Variants in SELENOF observed in about 807,000 individuals in gnomAD.
SELENOF encodes selenoprotein F.
SELENOF carries 16 observed loss-of-function variants against 20.5 expected under a neutral mutation model. The ratio of observed to expected loss-of-function variants is 0.78; its 90% CI spans 0.53 to 1.19. The LOEUF (loss-of-function observed/expected upper bound fraction) is 1.19. Among genes scored for constraint, SELENOF ranks in the 50% most tolerant of loss-of-function variants. The pLI, the probability that SELENOF is intolerant of heterozygous loss-of-function variation, is 0.00. For missense variants in SELENOF, 215 were observed against 194.2 expected (o/e 1.11, Z -0.64); for synonymous variants, 78 against 74.5 (o/e 1.05, Z -0.24).
chr1:86,862,758 C>A lies in SELENOF; in HGVS notation c.*716G>T, dbSNP rs556667248. 3.3e-5 allele frequency: 5 copies of A among 152,266 alleles called. No individual in the cohort carries two copies. The East Asian group carries it at 9.6e-4, about 29-fold the overall frequency. The allele number at this position is 152,266 out of a possible 1,614,324, so 9.4% of individuals were successfully genotyped here. On this transcript the variant is annotated 3_prime_UTR_variant, in exon 5 of 5. Transcript: ENST00000331835. ...ACTTTTTATTTATATTTTGGTCTTA[C>A]AAATGATCACTTTTAAATGGACTTT... is the stretch of plus-strand genomic sequence containing the variant.
chr1:86,883,435 T>TTAGTGTATATTTTACACTAAA (rs1659129204), intron 2 of SELENOF, among the ~76,000 whole-genome samples: 1 of 152,154 alleles, frequency 6.6e-6, no homozygotes, highest in African/African-American at 2.4e-5. Context: ...ATAGTGAATT[T>TTAGTGTATATTTTACACTAAA]TAGTGTATAT....
At chr1:86,899,706 C>G (rs1659633436) in intron 2 of SELENOF, among the ~76,000 whole-genome samples, 1 of 151,902 alleles carries the variant, frequency 6.6e-6, no homozygotes, top group Admixed American at 6.5e-5. Flanking sequence ...CACCTCCCTC[C>G]CGGACAGGGC....
At chr1:86,914,162 A>G, upstream of SELENOF, 1 of 1,538,804 alleles carries the variant, frequency 6.5e-7, no homozygotes, top group Non-Finnish European at 9.0e-7. Context: ...AGGGGCGTCC[A>G]CTCCAGAGCC....
In SELENOF at chr1:86,895,416, T is replaced by A. The variant is rs562939054; in HGVS notation, c.252+7865A>T. Among the ~76,000 whole-genome samples the A allele has an allele frequency of 4.1e-4, 62 of 152,354 alleles. No individual in the cohort carries two copies. The South Asian group carries it at 0.013, about 32-fold the overall frequency. On this transcript the variant is annotated intron_variant, in intron 2 of 4. Transcript: ENST00000331835. The stretch of plus-strand genomic sequence containing the variant: ...GTCATCGCCACCTGCAGCAAGTATT[T>A]ACCTACTACTTGTTATATGCTAGAC...
chr1:86,868,102 G>A lies in SELENOF; in HGVS notation c.317C>T (p.Ala106Val). The A allele has an allele frequency of 1.3e-6, 2 of 1,483,786 alleles. No individual in the cohort carries two copies. The highest frequency in any genetic ancestry group is 9.2e-7 in the Non-Finnish European group (1 of 1,092,258). The allele number at this position is 1,483,786 out of a possible 1,614,324, so 91.9% of individuals were successfully genotyped here. A position where few individuals can be genotyped will look rare whatever the true frequency, so the allele number is the denominator to read the frequency against. Residue 106 changes from alanine to valine, a missense_variant and splice_region_variant, in exon 4 of 5, where the codon GCT becomes GTT. Transcript: ENST00000331835. Reference protein sequence around the residue: ...UKLGRFPQVQAFVRSDKPKLF... With the variant: ...UKLGRFPQVQVFVRSDKPKLF... ...TTTGGGTTTATCACTCCTAACAAAA[G>A]CTTATAAAAAAAGAAAAAAAGATTC...
At chr1:86,880,171 T>C (rs946560207) in intron 3 of SELENOF, among the ~76,000 whole-genome samples, 1 of 152,016 alleles carries the variant, frequency 6.6e-6, no homozygotes, top group Non-Finnish European at 1.5e-5. Context: ...AGTCTCGTTC[T>C]GTCGCCCAGG....
chr1:86,900,832 C>T lies in SELENOF; in HGVS notation c.252+2449G>A, dbSNP rs546552135. 1.5e-3 allele frequency among the ~76,000 whole-genome samples: 221 copies of T among 152,194 alleles called. 1 individual carries two copies. Among genetic ancestry groups the T allele is most frequent in the African/African-American group, 5.1e-3 (210 of 41,532 alleles). Reference sequence around the variant, plus strand: ...GGATTACAGGGGTGAGCCATCACACCCGAGTTGACTTTTAAAGAATTTATG... The same window carrying T: ...GGATTACAGGGGTGAGCCATCACACTCGAGTTGACTTTTAAAGAATTTATG... On this transcript the variant is annotated intron_variant, in intron 2 of 4. Coordinates refer to ENST00000331835, the MANE Select transcript of SELENOF (RefSeq NM_004261.5).
At chr1:86,910,595 T>C (rs889228986) in intron 1 of SELENOF, among the ~76,000 whole-genome samples, 3 of 148,712 alleles carry the variant, frequency 2.0e-5, no homozygotes. Flanking sequence ...TCCCAGCTAC[T>C]TGGGAGGCTG....
At chr1:86,864,518 A>T (rs1476377146) in intron 4 of SELENOF, among the ~76,000 whole-genome samples, 1 of 152,220 alleles carries the variant, frequency 6.6e-6, no homozygotes, top group Non-Finnish European at 1.5e-5. Flanking sequence ...GATGGAGACT[A>T]GCTCAGATGT....
At chr1:86,886,348 T>G (rs1659217249) in intron 2 of SELENOF, among the ~76,000 whole-genome samples, 1 of 152,076 alleles carries the variant, frequency 6.6e-6, no homozygotes, top group South Asian at 2.1e-4. Flanking sequence ...GGTAAAACAG[T>G]AGGCTCTTTG....
chr1:86,883,060 A>G (rs1176941583), intron 2 of SELENOF, among the ~76,000 whole-genome samples: 1 of 150,940 alleles, frequency 6.6e-6, no homozygotes, highest in African/African-American at 2.4e-5. Flanking sequence ...CAGGAAGCAG[A>G]GGTTGCAGTG....
chr1:86,877,208 G>A (rs945901633), intron 3 of SELENOF, among the ~76,000 whole-genome samples: 8 of 152,258 alleles, frequency 5.3e-5, no homozygotes, highest in African/African-American at 1.9e-4. Flanking sequence ...CACATACTAA[G>A]TGACTTACAT....
intron 1 of SELENOF, among the ~76,000 whole-genome samples, chr1:86,908,506 A>G (rs1420013402): frequency 6.6e-6 from 1 of 152,260 alleles, no homozygotes; most frequent in Non-Finnish European, 1.5e-5. Flanking sequence ...AAGAGATGAC[A>G]GCAACAAGAT....
chr1:86,864,417 T>C (rs570214894), intron 4 of SELENOF, among the ~76,000 whole-genome samples: 1 of 152,350 alleles, frequency 6.6e-6, no homozygotes, highest in Admixed American at 6.5e-5. Context: ...AATGTAGTTA[T>C]GTAGTTCGGC....
chr1:86,883,354 T>C (rs922972268), intron 2 of SELENOF, among the ~76,000 whole-genome samples: 23 of 152,118 alleles, frequency 1.5e-4, no homozygotes, highest in African/African-American at 5.6e-4. Context: ...CGGAGAAAGA[T>C]GGTTAACACA....
intron 1 of SELENOF, among the ~76,000 whole-genome samples, chr1:86,904,223 G>A (rs370546470): frequency 8.5e-5 from 13 of 152,246 alleles, no homozygotes; most frequent in South Asian, 2.1e-4. Flanking sequence ...GCAAGAGCAC[G>A]CCAGAATTCA....
chr1:86,889,752 A>C (rs72947810), intron 2 of SELENOF, among the ~76,000 whole-genome samples: 2,296 of 152,268 alleles, frequency 0.015, 65 homozygotes, highest in African/African-American at 0.052. Flanking sequence ...TAGGGTTACC[A>C]GTTTCTCCAG....
chr1:86,891,932 GTT>G (rs111839796), intron 2 of SELENOF, among the ~76,000 whole-genome samples: 5 of 146,452 alleles, frequency 3.4e-5, no homozygotes, highest in African/African-American at 5.0e-5. Flanking sequence ...TTATTATTTA[GTT>G]TTTTTTTTTT....
intron 1 of SELENOF, among the ~76,000 whole-genome samples, chr1:86,908,913 T>A (rs533124939): frequency 1.3e-5 from 2 of 152,262 alleles, no homozygotes; most frequent in African/African-American, 4.8e-5. Flanking sequence ...AATCACTTTA[T>A]ATCCAGTTGT....
Sources: allele counts gnomAD v4.1 joint callset (sites outside exome capture counted in the v4.1 genomes callset), GRCh38; gene constraint gnomAD v4.1.1; transcripts MANE v1.5; gene names NCBI Gene and HGNC (gene_info 2026-07-23, HGNC 2026-07-21).